Variants in CYP20A1 observed in about 807,000 individuals in gnomAD.
CYP20A1 encodes cytochrome P450 20A1.
A neutral mutation model predicts 61.4 loss-of-function variants in CYP20A1; 61 were observed. That is an observed-to-expected ratio of 0.99 (90% CI 0.81 to 1.23). The LOEUF is 1.23. Among genes scored for constraint, CYP20A1 ranks in the 50% most tolerant of loss-of-function variants. CYP20A1 has a pLI of 0.00. For synonymous variants in CYP20A1, 193 were observed against 188.2 expected, an observed-to-expected ratio of 1.03 and a Z score of -0.21; for missense variants, 530 against 542.4, an observed-to-expected ratio of 0.98 and a Z score of 0.23.
chr2:203,252,588 T>C (rs1575178785), intron 4 of CYP20A1, among the ~76,000 whole-genome samples: 1 of 151,924 alleles, frequency 6.6e-6, no homozygotes, highest in Admixed American at 6.6e-5. Context: ...AGAGGCAGGG[T>C]TTCACCATGT....
chr2:203,301,871 ACAGT>A lies in CYP20A1; in HGVS notation c.*4966_*4969del, dbSNP rs1439415806. Among the ~76,000 whole-genome samples the A allele has an allele frequency of 1.3e-5, 2 of 151,978 alleles. No individual in the cohort carries two copies. The highest frequency in any genetic ancestry group is 1.9e-4 in the East Asian group (1 of 5,180). ...AACACAAAAATGTCAAACTCAGTTA[ACAGT>A]CATAGTTTCACTATTTGAAGTTAAC... On this transcript the variant is annotated 3_prime_UTR_variant, in exon 13 of 13. Coordinates refer to ENST00000356079, the MANE Select transcript of CYP20A1 (RefSeq NM_177538.3).
intron 3 of CYP20A1, among the ~76,000 whole-genome samples, chr2:203,248,660 A>G (rs1345111694): frequency 6.6e-6 from 1 of 152,222 alleles, no homozygotes; most frequent in African/African-American, 2.4e-5. Context: ...AAAGTAATAA[A>G]TGTTTTGGGG....
chr2:203,293,546 T>C (rs2068637663), intron 11 of CYP20A1, among the ~76,000 whole-genome samples: 1 of 151,584 alleles, frequency 6.6e-6, no homozygotes, highest in Non-Finnish European at 1.5e-5. Flanking sequence ...TTCTGTTCTT[T>C]ATTGCTTCTC....
chr2:203,290,097 T>A (rs2068472469), intron 10 of CYP20A1, among the ~76,000 whole-genome samples: 1 of 151,972 alleles, frequency 6.6e-6, no homozygotes, highest in Non-Finnish European at 1.5e-5. Flanking sequence ...CCCGCCACCA[T>A]GGCCAGCTAA....
In CYP20A1 at chr2:203,254,404, G is replaced by A. The variant is rs192656386; in HGVS notation, c.432+2295G>A. On this transcript the variant is annotated intron_variant, in intron 4 of 12. Coordinates refer to ENST00000356079, the MANE Select transcript of CYP20A1 (RefSeq NM_177538.3). ...TACTAAAAATACAAAAATTAGCTGC[G>A]TGTGGTAGCACATGCCTGTAGTCCT... Among the ~76,000 whole-genome samples, 243 of 152,126 alleles carry A rather than the reference G, an allele frequency of 1.6e-3. 2 individuals are homozygous for A. The highest frequency in any genetic ancestry group is 0.013 in the Admixed American group (206 of 15,274).
chr2:203,258,747 T>C (rs926473696), intron 4 of CYP20A1, among the ~76,000 whole-genome samples: 1 of 152,162 alleles, frequency 6.6e-6, no homozygotes, highest in Non-Finnish European at 1.5e-5. Context: ...TGTACATACG[T>C]CGTGTTCTTT....
intron 11 of CYP20A1, among the ~76,000 whole-genome samples, chr2:203,295,595 G>A (rs1225982888): frequency 1.3e-5 from 2 of 152,026 alleles, no homozygotes; most frequent in East Asian, 1.9e-4. Flanking sequence ...ATATAAACTG[G>A]TGTAACAATC....
At chr2:203,287,959 G>C (rs2068356338) in intron 9 of CYP20A1, among the ~76,000 whole-genome samples, 1 of 144,884 alleles carries the variant, frequency 6.9e-6, no homozygotes, top group African/African-American at 2.6e-5. Context: ...TTGGGGTGGA[G>C]TGTTTTTTTA....
At chr2:203,239,634 C>A (rs1169802371) in intron 1 of CYP20A1, among the ~76,000 whole-genome samples, 1 of 152,150 alleles carries the variant, frequency 6.6e-6, no homozygotes, top group Non-Finnish European at 1.5e-5. Context: ...ATCCAAAGTG[C>A]TCGAGGTCCA....
rs1575151484 is a variant in CYP20A1 at position 203,239,079 on chromosome 2, T to A, written c.17T>A (p.Ile6Asn). Residue 6 changes from isoleucine to asparagine, a missense_variant, in exon 1 of 13, where the codon ATC becomes AAC. By Grantham distance (149) the Ile-to-Asn change is moderately radical. Transcript: ENST00000356079. MLDFAIFAVTFLLALV... is the reference protein window; with the variant it reads MLDFANFAVTFLLALV... The stretch of plus-strand genomic sequence containing the variant: ...GGCAGAACCATGTTGGACTTCGCGA[T>A]CTTCGCCGTTACCTTCTTGCTGGCG... 1 of 1,613,582 alleles carries A rather than the reference T, an allele frequency of 6.2e-7. No homozygotes were observed. The highest frequency in any genetic ancestry group is 1.3e-5 in the African/African-American group (1 of 74,912).
intron 4 of CYP20A1, among the ~76,000 whole-genome samples, chr2:203,252,864 T>A (rs903489841): frequency 1.3e-5 from 2 of 152,050 alleles, no homozygotes; most frequent in African/African-American, 4.8e-5. Context: ...ATTAGGGCCC[T>A]CCATTCACAC....
At chr2:203,264,722 T>G (rs1355671130) in intron 4 of CYP20A1, among the ~76,000 whole-genome samples, 1 of 152,102 alleles carries the variant, frequency 6.6e-6, no homozygotes, top group African/African-American at 2.4e-5. Flanking sequence ...TTTATATTTT[T>G]TTTATATTTC....
chr2:203,240,335 T>G (rs1201185952), intron 1 of CYP20A1, among the ~76,000 whole-genome samples: 1 of 152,234 alleles, frequency 6.6e-6, no homozygotes, highest in Non-Finnish European at 1.5e-5. Flanking sequence ...TTGGTGATTT[T>G]AAAATGATAC....
chr2:203,248,683 C>A (rs1181461315), intron 3 of CYP20A1, among the ~76,000 whole-genome samples: 1 of 152,154 alleles, frequency 6.6e-6, no homozygotes, highest in Non-Finnish European at 1.5e-5. Context: ...TATTGGTTAG[C>A]TATTTGTAAA....
intron 4 of CYP20A1, among the ~76,000 whole-genome samples, chr2:203,261,275 C>T (rs1391339980): frequency 2.6e-5 from 4 of 151,602 alleles, no homozygotes; most frequent in Non-Finnish European, 5.9e-5. Context: ...TATAGGAATA[C>T]AGCTGGGCAC....
At chr2:203,242,343 T>C (rs2066281741) in intron 1 of CYP20A1, among the ~76,000 whole-genome samples, 1 of 152,130 alleles carries the variant, frequency 6.6e-6, no homozygotes, top group Non-Finnish European at 1.5e-5. Flanking sequence ...ATGGTGTGGA[T>C]TCAGAGATAT....
chr2:203,264,837 C>T (rs76937357), intron 4 of CYP20A1, among the ~76,000 whole-genome samples: 1 of 152,088 alleles, frequency 6.6e-6, no homozygotes, highest in Non-Finnish European at 1.5e-5. Flanking sequence ...TCATGCCATT[C>T]TCCTGCCTCA....
At chr2:203,287,576 T>A (rs950126912) in intron 9 of CYP20A1, among the ~76,000 whole-genome samples, 1 of 152,078 alleles carries the variant, frequency 6.6e-6, no homozygotes, top group Non-Finnish European at 1.5e-5. Flanking sequence ...CATAAAGGCA[T>A]GTGCCTATGG....
intron 3 of CYP20A1, among the ~76,000 whole-genome samples, chr2:203,248,631 C>A (rs774853413): frequency 1.3e-5 from 2 of 152,086 alleles, no homozygotes; most frequent in Non-Finnish European, 1.5e-5. Context: ...ATAAAGATAG[C>A]ATTTTATGAC....
Sources: allele counts gnomAD v4.1 joint callset (sites outside exome capture counted in the v4.1 genomes callset), GRCh38; gene constraint gnomAD v4.1.1; transcripts MANE v1.5; gene names NCBI Gene and HGNC (gene_info 2026-07-23, HGNC 2026-07-21).